The following PPP4R4 variants were observed in gnomAD, a reference collection of about 807,000 sequenced individuals.
The protein encoded by PPP4R4 is serine/threonine-protein phosphatase 4 regulatory subunit 4.
In PPP4R4, 70 loss-of-function variants were observed where a neutral mutation model predicts 121.8. The observed-to-expected ratio is 0.57, with a 90% CI of 0.47 to 0.70. The LOEUF is 0.70. Among genes scored for constraint, PPP4R4 ranks in the 30% least tolerant of loss-of-function variants. The probability of loss-of-function intolerance (pLI) is 0.00; values close to 1 mark genes in which losing one functional copy is unlikely to be tolerated. For synonymous variants in PPP4R4, 348 were observed against 355.7 expected, an observed-to-expected ratio of 0.98 and a Z score of 0.24; for missense variants, 875 against 1,033.6, an observed-to-expected ratio of 0.85 and a Z score of 2.10.
intron 7 of PPP4R4, among the ~76,000 whole-genome samples, chr14:94,237,195 T>C: frequency 6.6e-6 from 1 of 152,106 alleles, no homozygotes; most frequent in Non-Finnish European, 1.5e-5. Flanking sequence ...AATATATTAT[T>C]TAGGTTTCTG....
At chr14:94,214,925 G>A (rs1890943220) in intron 3 of PPP4R4, among the ~76,000 whole-genome samples, 2 of 152,132 alleles carry the variant, frequency 1.3e-5, no homozygotes, top group African/African-American at 4.8e-5. Flanking sequence ...TTAAAATATT[G>A]TATAAAATTA....
intron 12 of PPP4R4, among the ~76,000 whole-genome samples, chr14:94,244,963 G>T (rs1892814498): frequency 6.6e-6 from 1 of 151,964 alleles, no homozygotes; most frequent in African/African-American, 2.4e-5. Context: ...TTTAGGAAGT[G>T]CCAAAAAACA....
At chr14:94,275,270 AT>A in intron 23 of PPP4R4, 103 bp from the exon 24 acceptor site, 2 of 1,298,834 alleles carry the variant, frequency 1.5e-6, no homozygotes, top group Admixed American at 3.9e-5. Context: ...CATAAAATTG[AT>A]TTAAAAGGTG....
chr14:94,274,449 A>G (rs912124504), intron 23 of PPP4R4, among the ~76,000 whole-genome samples: 1 of 152,182 alleles, frequency 6.6e-6, no homozygotes, highest in Non-Finnish European at 1.5e-5. Flanking sequence ...TAGGCAACCA[A>G]TTTTAAAATG....
intron 23 of PPP4R4, among the ~76,000 whole-genome samples, chr14:94,269,507 C>T (rs931342156): frequency 1.3e-5 from 2 of 151,578 alleles, no homozygotes; most frequent in African/African-American, 2.4e-5. Flanking sequence ...AACACTGTCT[C>T]TACTAAAAAT....
intron 3 of PPP4R4, among the ~76,000 whole-genome samples, chr14:94,220,704 A>C (rs2103931): frequency 0.24 from 36,114 of 152,066 alleles, 5,157 homozygotes; most frequent in East Asian, 0.59. Context: ...CTATAAACTG[A>C]AAACTATAGA....
chr14:94,255,550 G>A (rs1019548957), intron 16 of PPP4R4, among the ~76,000 whole-genome samples: 5 of 150,216 alleles, frequency 3.3e-5, no homozygotes, highest in Admixed American at 1.3e-4. Context: ...GCAGTGAGCC[G>A]AGATCACACC....
intron 3 of PPP4R4, among the ~76,000 whole-genome samples, chr14:94,211,010 A>G (rs759278994): frequency 1.3e-5 from 2 of 152,188 alleles, no homozygotes; most frequent in Non-Finnish European, 2.9e-5. Context: ...TGCTGACAGC[A>G]TCTCGGGTAA....
chr14:94,266,020 T>C (rs555358045), intron 22 of PPP4R4, 133 bp downstream of exon 22: 13 of 605,834 alleles, frequency 2.1e-5, no homozygotes, highest in Non-Finnish European at 3.3e-5. Context: ...TTTGTGAGTG[T>C]TCTTCTGTAG....
chr14:94,250,530 A>G (rs1024068913), intron 15 of PPP4R4, among the ~76,000 whole-genome samples: 8 of 152,018 alleles, frequency 5.3e-5, no homozygotes, highest in African/African-American at 1.9e-4. Flanking sequence ...TTGAAAGCCC[A>G]GTATCTCCCC....
intron 14 of PPP4R4, among the ~76,000 whole-genome samples, chr14:94,248,532 T>C (rs755735473): frequency 2.0e-5 from 3 of 152,168 alleles, no homozygotes; most frequent in Non-Finnish European, 4.4e-5. Context: ...ACCAATGTCA[T>C]TTTTCACAGA....
At chr14:94,259,144 T>C (rs2139623617) in intron 18 of PPP4R4, 151 bp from the exon 19 acceptor site, 1 of 1,327,908 alleles carries the variant, frequency 7.5e-7, no homozygotes, top group Non-Finnish European at 1.0e-6. Context: ...ACCCGGTCCC[T>C]CCCACAACAT....
At chr14:94,174,772 C>A (rs1226458567) in intron 1 of PPP4R4, among the ~76,000 whole-genome samples, 190 bp downstream of exon 1, 1 of 152,012 alleles carries the variant, frequency 6.6e-6, no homozygotes, top group African/African-American at 2.4e-5. Context: ...TCGGACCCTT[C>A]CTCAGAGCGG....
At chr14:94,219,969 A>G (rs1461346331) in intron 3 of PPP4R4, among the ~76,000 whole-genome samples, 2 of 152,182 alleles carry the variant, frequency 1.3e-5, no homozygotes, top group Non-Finnish European at 2.9e-5. Flanking sequence ...CACGCCTGTA[A>G]TCCTAGCACT....
chr14:94,245,775 AG>A (rs1443621191), intron 13 of PPP4R4, 105 bp downstream of exon 13: 1 of 710,184 alleles, frequency 1.4e-6, no homozygotes, highest in Non-Finnish European at 2.3e-6. Context: ...CTTGTAAAAT[AG>A]TGCATGCCAC....
rs376351463 is a variant in PPP4R4, at chr14:94,256,423, T to C, written c.1866-37T>C. The C allele has an allele frequency of 1.6e-5, 24 of 1,493,766 alleles. No individual in the cohort carries two copies. In the African/African-American group the frequency reaches 3.4e-4, roughly 21 times the overall value. The allele number at this position is 1,493,766 out of a possible 1,614,324, so 92.5% of individuals were successfully genotyped here. A position where few individuals can be genotyped will look rare whatever the true frequency, so the allele number is the denominator to read the frequency against. Reference sequence around the variant, plus strand: ...TTTATGTTTCTGTTATTCTTAGTTATTAACTTCACTCAAGAGTAAATACTA... The same window carrying C: ...TTTATGTTTCTGTTATTCTTAGTTACTAACTTCACTCAAGAGTAAATACTA... On this transcript the variant is annotated intron_variant, in intron 16 of 24. Transcript: ENST00000304338.
intron 2 of PPP4R4, among the ~76,000 whole-genome samples, chr14:94,194,799 A>T (rs1024668035): frequency 1.3e-5 from 2 of 152,162 alleles, no homozygotes; most frequent in African/African-American, 4.8e-5. Context: ...GATTATGACT[A>T]AAGTCAGCAG....
intron 3 of PPP4R4, among the ~76,000 whole-genome samples, chr14:94,221,216 A>G (rs1891372088): frequency 1.3e-5 from 2 of 152,166 alleles, no homozygotes; most frequent in East Asian, 3.8e-4. Flanking sequence ...TATGCAAAAG[A>G]TAAAATAGAT....
At chr14:94,240,542 T>A in intron 8 of PPP4R4, 131 bp from the exon 9 acceptor site, 2 of 980,768 alleles carry the variant, frequency 2.0e-6, no homozygotes, top group Non-Finnish European at 2.9e-6. Context: ...GTTGTTGCTT[T>A]CAGGTATTTT....
Sources: gnomAD v4.1 joint callset for allele counts (sites outside exome capture counted in the v4.1 genomes callset) on GRCh38, gnomAD v4.1.1 for gene constraint, MANE v1.5 for transcripts, NCBI Gene and HGNC (gene_info 2026-07-23, HGNC 2026-07-21) for gene names.